Variants in LCP1 observed in about 807,000 individuals in gnomAD.
LCP1 encodes lymphocyte cytosolic protein 1, also known as plastin-2.
LCP1 carries 23 observed loss-of-function variants against 72.0 expected under a neutral mutation model. The observed-to-expected ratio is 0.32, with a 90% CI of 0.23 to 0.45. LCP1 has a LOEUF of 0.45. LCP1 is among the 20% of genes least tolerant of loss of function. LCP1 has a pLI of 1.00. For synonymous variants in LCP1, 245 were observed against 275.4 expected, an observed-to-expected ratio of 0.89 and a Z score of 1.09; for missense variants, 571 against 748.3, an observed-to-expected ratio of 0.76 and a Z score of 2.76.
At chr13:46,138,399 C>T (rs894573547) in intron 13 of LCP1, among the ~76,000 whole-genome samples, 7 of 152,126 alleles carry the variant, frequency 4.6e-5, no homozygotes, top group African/African-American at 1.7e-4. Context: ...GTCATTACTT[C>T]TCCTTCTACA....
At position 46,152,778 on chromosome 13, in the gene LCP1, A is replaced by G; in HGVS notation, c.739+2T>C. 6.2e-7 allele frequency: 1 copy of G among 1,613,004 alleles called. No individual in the cohort carries two copies. The highest frequency in any genetic ancestry group is 8.5e-7 in the Non-Finnish European group (1 of 1,179,704). On this transcript the variant is annotated splice_donor_variant, in intron 7 of 15. Coordinates refer to ENST00000323076, the MANE Select transcript of LCP1 (RefSeq NM_002298.5). LOFTEE classifies it high-confidence loss of function. ...TAAATGACCTTTGGGACTTGCTCTT[A>G]CCTTCATTTCTGCTGAGTTCAATGT...
intron 1 of LCP1, among the ~76,000 whole-genome samples, chr13:46,176,030 C>T (rs1253496315): frequency 6.6e-6 from 1 of 152,146 alleles, no homozygotes; most frequent in African/African-American, 2.4e-5. Context: ...TTAAATGTTA[C>T]ACCTGAGATT....
chr13:46,157,888 A>G (rs2045813373), intron 4 of LCP1, among the ~76,000 whole-genome samples: 1 of 151,930 alleles, frequency 6.6e-6, no homozygotes, highest in Non-Finnish European at 1.5e-5. Flanking sequence ...ATGAGATTAC[A>G]GGCATGCGCC....
chr13:46,127,667 T>C lies in LCP1; in HGVS notation c.1808A>G (p.Asp603Gly), dbSNP rs772473514. The C allele has an allele frequency of 6.2e-7, 1 of 1,614,122 alleles. No homozygotes were observed. The highest frequency in any genetic ancestry group is 1.7e-5 in the Admixed American group (1 of 60,016). Residue 603 changes from aspartate to glycine, a missense_variant, in exon 16 of 16, where the codon GAC becomes GGC. By Grantham distance (94) the Asp-to-Gly change is moderately conservative (BLOSUM62 -1). Transcript: ENST00000323076. ...IGARVYALPE[D>G]LVEVNPKMVM... The stretch of plus-strand genomic sequence containing the variant: ...CATTTTGGGGTTCACTTCAACCAGG[T>C]CTTCTGGCAGGGCATACACTCTTGC...
intron 13 of LCP1, among the ~76,000 whole-genome samples, chr13:46,135,091 A>G (rs7329121): frequency 0.014 from 2,002 of 138,676 alleles, 45 homozygotes; most frequent in African/African-American, 0.048. Context: ...CCTGGGCAAC[A>G]GAGTGAGACT....
At chr13:46,146,816 A>AGCCT in intron 10 of LCP1, 92 bp downstream of exon 10, 1 of 1,239,154 alleles carries the variant, frequency 8.1e-7, no homozygotes, top group Non-Finnish European at 1.2e-6. Flanking sequence ...ACATGTAAAT[A>AGCCT]GTTTATATTT....
Position 46,156,443 on chromosome 13 carries a change from G to A in LCP1, c.486C>T (p.Val162=), listed in dbSNP as rs923440968. ...DLFNAVGDGI[V]LCKMINLSVP... ...AAGAAAGAAGTATTATTTACCAAAG[G>A]ACAATGCCATCTCCAACAGCATTAA... Residue 162 remains valine (V), a synonymous_variant, in exon 5 of 16, where the codon GTC becomes GTT. Transcript: ENST00000323076. 1.2e-6 allele frequency: 2 copies of A among 1,613,594 alleles called. No individual in the cohort carries two copies. Among genetic ancestry groups the A allele is most frequent in the African/African-American group, 1.3e-5 (1 of 75,020 alleles).
intron 1 of LCP1, among the ~76,000 whole-genome samples, chr13:46,178,201 C>T (rs555764034): frequency 6.6e-6 from 1 of 152,252 alleles, no homozygotes; most frequent in South Asian, 2.1e-4. Context: ...GGTTAAAGCA[C>T]TTAGAAAAAC....
At chr13:46,177,814 T>A (rs892555465) in intron 1 of LCP1, among the ~76,000 whole-genome samples, 5 of 152,190 alleles carry the variant, frequency 3.3e-5, no homozygotes, top group Admixed American at 6.5e-5. Flanking sequence ...CAACTTCTAC[T>A]CAGTCAAGTG....
At chr13:46,128,464 G>A (rs1260402937) in intron 15 of LCP1, among the ~76,000 whole-genome samples, 2 of 152,128 alleles carry the variant, frequency 1.3e-5, no homozygotes, top group African/African-American at 4.8e-5. Flanking sequence ...CAGGCGTGGT[G>A]GCGTGCGCCT....
intron 13 of LCP1, 37 bp from the exon 14 acceptor site, chr13:46,134,287 G>A: frequency 6.3e-7 from 1 of 1,589,432 alleles, no homozygotes; most frequent in East Asian, 2.2e-5. Context: ...GAGAACAGTT[G>A]CTAAAGAATT....
At chr13:46,130,994 A>G in intron 14 of LCP1, 56 bp from the exon 15 acceptor site, 3 of 1,512,002 alleles carry the variant, frequency 2.0e-6, no homozygotes, top group Middle Eastern at 3.5e-4. Context: ...ACTCCCATTC[A>G]GCTCAAAGGA....
chr13:46,156,735 C>T (rs754970666), intron 4 of LCP1, among the ~76,000 whole-genome samples, 165 bp from the exon 5 acceptor site: 5 of 152,076 alleles, frequency 3.3e-5, no homozygotes, highest in Admixed American at 6.5e-5. Flanking sequence ...TCTCAGATCA[C>T]TTGGGAAATA....
intron 14 of LCP1, among the ~76,000 whole-genome samples, chr13:46,131,291 A>G (rs1173823254): frequency 6.6e-6 from 1 of 152,214 alleles, no homozygotes; most frequent in Non-Finnish European, 1.5e-5. Context: ...ATGAGGACCA[A>G]AACCACAATG....
intron 1 of LCP1, among the ~76,000 whole-genome samples, chr13:46,162,753 G>A (rs949103037): frequency 2.9e-4 from 44 of 152,046 alleles, no homozygotes; most frequent in Admixed American, 2.4e-3. Flanking sequence ...GTCTCTGCCT[G>A]GCCGCCCATC....
intron 6 of LCP1, 54 bp downstream of exon 6, chr13:46,154,751 A>G: frequency 6.9e-7 from 1 of 1,439,604 alleles, no homozygotes; most frequent in Non-Finnish European, 9.8e-7. Context: ...AGCAGTTATG[A>G]TGCTCATTGA....
rs916366116 is a variant in LCP1 at position 46,127,499 on chromosome 13, T to C, written c.*92A>G. The C allele has an allele frequency of 1.3e-6, 2 of 1,503,402 alleles. No homozygotes were observed. The highest frequency in any genetic ancestry group is 2.3e-5 in the East Asian group (1 of 44,076). The allele number at this position is 1,503,402 out of a possible 1,614,324, so 93.1% of individuals were successfully genotyped here. A position where few individuals can be genotyped will look rare whatever the true frequency, so the allele number is the denominator to read the frequency against. ...TGGAATCTTATAGAGTGTCACCAAGTTGAACTTTGGAATGGCTTGAATCAT... is the reference window on the plus strand; with the variant it reads ...TGGAATCTTATAGAGTGTCACCAAGCTGAACTTTGGAATGGCTTGAATCAT... On this transcript the variant is annotated 3_prime_UTR_variant, in exon 16 of 16. Transcript: ENST00000323076.
In LCP1 at chr13:46,162,727, C is replaced by T. The variant is rs1344609128; in HGVS notation, c.-24-3041G>A. Among the ~76,000 whole-genome samples the T allele has an allele frequency of 2.0e-5, 3 of 152,030 alleles. No homozygotes were observed. The East Asian group carries it at 5.8e-4, about 29-fold the overall frequency. Reference sequence around the variant, plus strand: ...AGCCTCTGCCCAGCCGCCACCCCTTCCGGGAAGTGAGGAGCGTCTCTGCCT... The same window carrying T: ...AGCCTCTGCCCAGCCGCCACCCCTTTCGGGAAGTGAGGAGCGTCTCTGCCT... On this transcript the variant is annotated intron_variant, in intron 1 of 15. Transcript: ENST00000323076.
At chr13:46,180,685 T>C (rs532659126) in intron 1 of LCP1, among the ~76,000 whole-genome samples, 2 of 152,374 alleles carry the variant, frequency 1.3e-5, no homozygotes, top group African/African-American at 4.8e-5. Context: ...GCTTTAGCAA[T>C]GTAAACTTAA....
Sources: allele counts gnomAD v4.1 joint callset (sites outside exome capture counted in the v4.1 genomes callset), GRCh38; gene constraint gnomAD v4.1.1; transcripts MANE v1.5; gene names NCBI Gene and HGNC (gene_info 2026-07-23, HGNC 2026-07-21).